The following RBFOX1 variants were observed in gnomAD, a reference collection of about 807,000 sequenced individuals.
RBFOX1 encodes the protein RNA binding protein fox-1 homolog 1.
A neutral mutation model predicts 57.7 loss-of-function variants in RBFOX1; 8 were observed. That is an observed-to-expected ratio of 0.14 (90% CI 0.08 to 0.25). The LOEUF is 0.25. RBFOX1 is among the 10% of genes least tolerant of loss of function. RBFOX1 has a pLI of 1.00. For synonymous variants in RBFOX1, 326 were observed against 222.4 expected (o/e 1.47, Z -4.15); for missense variants, 611 against 548.5 (o/e 1.11, Z -1.14).
chr16:5,380,542 G>A (rs1040718371), intron 1 of RBFOX1, among the ~76,000 whole-genome samples: 4 of 152,186 alleles, frequency 2.6e-5, no homozygotes, highest in Non-Finnish European at 4.4e-5. Flanking sequence ...GCCAAGCTGC[G>A]AATAGGACTT....
intron 3 of RBFOX1, among the ~76,000 whole-genome samples, chr16:6,940,260 G>C (rs983086012): frequency 1.3e-5 from 2 of 152,134 alleles, no homozygotes; most frequent in African/African-American, 2.4e-5. Flanking sequence ...AGGGGCTTGG[G>C]CATGAGTCCT....
chr16:6,513,373 A>C (rs911459122), intron 2 of RBFOX1, among the ~76,000 whole-genome samples: 3 of 152,086 alleles, frequency 2.0e-5, no homozygotes, highest in Non-Finnish European at 4.4e-5. Flanking sequence ...TTATGGCCTC[A>C]TATCTACACA....
chr16:6,716,831 A>G (rs1179185155), intron 3 of RBFOX1, among the ~76,000 whole-genome samples: 7 of 152,056 alleles, frequency 4.6e-5, no homozygotes, highest in Admixed American at 4.6e-4. Context: ...GGCCGTGTTG[A>G]CATTATGTGA....
chr16:6,545,447 C>T (rs1480610296), intron 2 of RBFOX1, among the ~76,000 whole-genome samples: 2 of 152,186 alleles, frequency 1.3e-5, no homozygotes, highest in Non-Finnish European at 2.9e-5. Flanking sequence ...ACCCTGTCCT[C>T]CATGTCATTT....
exon 1 of RBFOX1, chr16:5,240,103 G>A: frequency 1.3e-6 from 2 of 1,523,798 alleles, no homozygotes; most frequent in South Asian, 2.4e-5. Context: ...CGACGGCAGA[G>A]GAGTAAGTGA....
At chr16:7,086,768 C>G (rs905796827) in intron 4 of RBFOX1, among the ~76,000 whole-genome samples, 1 of 74,632 alleles carries the variant, frequency 1.3e-5, no homozygotes, top group African/African-American at 5.9e-5. Flanking sequence ...CTAATGAGGG[C>G]GTGTGTATCA....
At chr16:5,918,113 C>T (rs911759425) in intron 4 of RBFOX1, among the ~76,000 whole-genome samples, 1 of 152,064 alleles carries the variant, frequency 6.6e-6, no homozygotes, top group African/African-American at 2.4e-5. Flanking sequence ...TGCAGTTTTA[C>T]GTTTATTTTT....
At chr16:5,762,280 G>A (rs955132253) in intron 3 of RBFOX1, among the ~76,000 whole-genome samples, 10 of 151,626 alleles carry the variant, frequency 6.6e-5, no homozygotes, top group African/African-American at 2.4e-4. Flanking sequence ...TTCAGACTGG[G>A]TAGCAACAAA....
At chr16:7,641,806 T>G (rs1248935630) in intron 11 of RBFOX1, among the ~76,000 whole-genome samples, 7 of 152,192 alleles carry the variant, frequency 4.6e-5, no homozygotes, top group Non-Finnish European at 1.0e-4. Context: ...CCAAGTCTCC[T>G]CGCCATGTAA....
chr16:7,236,361 C>T (rs148576001), intron 4 of RBFOX1, among the ~76,000 whole-genome samples: 141 of 152,192 alleles, frequency 9.3e-4, no homozygotes, highest in Non-Finnish European at 1.3e-3. Context: ...AACATTTCTC[C>T]CCTTCCTATT....
At chr16:6,248,439 G>A (rs916093020) in intron 1 of RBFOX1, among the ~76,000 whole-genome samples, 1 of 152,146 alleles carries the variant, frequency 6.6e-6, no homozygotes, top group Non-Finnish European at 1.5e-5. Flanking sequence ...CATGGGACAT[G>A]GGTATAAATA....
At chr16:7,060,287 A>G (rs1013423018) in intron 4 of RBFOX1, among the ~76,000 whole-genome samples, 68 of 152,198 alleles carry the variant, frequency 4.5e-4, no homozygotes, top group African/African-American at 1.6e-3. Context: ...GCAGTGGGCC[A>G]TAGTTAGCCA....
chr16:6,570,667 A>G (rs1454431245), intron 2 of RBFOX1, among the ~76,000 whole-genome samples: 1 of 152,226 alleles, frequency 6.6e-6, no homozygotes, highest in Admixed American at 6.5e-5. Context: ...GCTAAAAATT[A>G]TCAGTCATAT....
intron 5 of RBFOX1, among the ~76,000 whole-genome samples, chr16:7,554,384 T>G (rs1407769877): frequency 6.6e-6 from 1 of 152,214 alleles, no homozygotes; most frequent in Non-Finnish European, 1.5e-5. Context: ...TCCATTTTAG[T>G]CATTAGCAAC....
intron 3 of RBFOX1, among the ~76,000 whole-genome samples, chr16:6,838,863 C>T (rs992363064): frequency 1.3e-5 from 2 of 152,156 alleles, no homozygotes; most frequent in African/African-American, 2.4e-5. Context: ...AGGAAAATCA[C>T]ACTGAGAATC....
At chr16:5,351,065 G>T (rs556643240) in intron 1 of RBFOX1, among the ~76,000 whole-genome samples, 3 of 152,154 alleles carry the variant, frequency 2.0e-5, no homozygotes, top group African/African-American at 7.2e-5. Flanking sequence ...CAGGTATTGC[G>T]CTGGTGGAAG....
intron 3 of RBFOX1, among the ~76,000 whole-genome samples, chr16:5,724,320 C>G (rs549604736): frequency 1.3e-5 from 2 of 152,226 alleles, no homozygotes; most frequent in Admixed American, 6.5e-5. Flanking sequence ...GTGGGATTGT[C>G]CTAAGCTGCT....
chr16:5,741,850 C>T (rs961118909), intron 3 of RBFOX1, among the ~76,000 whole-genome samples: 1 of 152,140 alleles, frequency 6.6e-6, no homozygotes, highest in Non-Finnish European at 1.5e-5. Context: ...CTTTGTAAAA[C>T]ACTTAATGCC....
intron 1 of RBFOX1, among the ~76,000 whole-genome samples, chr16:5,294,541 A>G (rs1361968372): frequency 6.6e-6 from 1 of 152,192 alleles, no homozygotes; most frequent in Non-Finnish European, 1.5e-5. Flanking sequence ...CCTCGTAACC[A>G]GGTAGCTCCC....
Sources: allele counts gnomAD v4.1 joint callset (sites outside exome capture counted in the v4.1 genomes callset), GRCh38; gene constraint gnomAD v4.1.1; transcripts MANE v1.5; gene names NCBI Gene and HGNC (gene_info 2026-07-23, HGNC 2026-07-21).